Variants in MRPS25 observed in about 807,000 individuals in gnomAD.
MRPS25 encodes small ribosomal subunit protein mS25.
Under a neutral mutation model 17.3 loss-of-function variants are expected in MRPS25, and 15 were observed. The observed-to-expected ratio is 0.87, with a 90% CI of 0.58 to 1.34. MRPS25 has a LOEUF of 1.34. MRPS25 is among the 40% of genes most tolerant of loss of function. The probability of loss-of-function intolerance (pLI) is 0.00; values close to 1 mark genes in which losing one functional copy is unlikely to be tolerated. For synonymous variants in MRPS25, 94 were observed against 83.3 expected, an observed-to-expected ratio of 1.13 and a Z score of -0.70; for missense variants, 225 against 218.6, an observed-to-expected ratio of 1.03 and a Z score of -0.19.
rs2042596063 is a variant in MRPS25, at chr3:15,050,987, C to T, written c.*1454G>A. ...TTTTACAGACAAAACCAGTTACAGA[C>T]CTGGAAAGCTTTTAGGACTTGACCA... On this transcript the variant is annotated 3_prime_UTR_variant, in exon 4 of 4. Transcript: ENST00000253686. 2 of 984,968 alleles carry T rather than the reference C, an allele frequency of 2.0e-6. No individual in the cohort carries two copies. The highest frequency in any genetic ancestry group is 4.7e-5 in the South Asian group (1 of 21,284). The allele number at this position is 984,968 out of a possible 1,614,324, so 61.0% of individuals were successfully genotyped here.
At position 15,050,381 on chromosome 3, in the gene MRPS25, C is replaced by T; in HGVS notation, c.*2060G>A. On this transcript the variant is annotated 3_prime_UTR_variant, in exon 4 of 4. Transcript: ENST00000253686. ...TTTATTCTGTCTAGAGAATGGTCAC[C>T]ACTCCTTTTGGTTCAGGACATTCCT... 2.0e-6 allele frequency: 2 copies of T among 1,021,772 alleles called. No homozygotes were observed. The highest frequency in any genetic ancestry group is 3.5e-5 in the African/African-American group (2 of 57,512). 63.3% of individuals were successfully genotyped at this position (1,021,772 alleles called of 1,614,324 possible). A position where few individuals can be genotyped will look rare whatever the true frequency, so the allele number is the denominator to read the frequency against.
intron 1 of MRPS25, among the ~76,000 whole-genome samples, chr3:15,062,919 ACAC>A (rs1037960393): frequency 1.3e-5 from 2 of 152,110 alleles, no homozygotes; most frequent in African/African-American, 4.8e-5. Context: ...GTACCCAGGG[ACAC>A]AAACACTCTG....
At chr3:15,046,662 C>G (rs563140882), downstream of MRPS25, 1 of 152,346 alleles carries the variant, frequency 6.6e-6, no homozygotes, top group Admixed American at 6.5e-5. Context: ...GTGTAAATGA[C>G]TTTATGTGCA....
chr3:15,051,299 T>A lies in MRPS25; in HGVS notation c.*1142A>T, dbSNP rs2042601962. On this transcript the variant is annotated 3_prime_UTR_variant, in exon 4 of 4. Transcript: ENST00000253686. ...CTCGCAGGCTCGAGATCCTCCCACC[T>A]CAGCTTCCCAAATAGCTGGGACTAC... The A allele has an allele frequency of 1.5e-6, 1 of 654,602 alleles. No individual in the cohort carries two copies. The highest frequency in any genetic ancestry group is 6.8e-5 in the South Asian group (1 of 14,696). The allele number at this position is 654,602 out of a possible 1,614,324, so 40.5% of individuals were successfully genotyped here.
chr3:15,049,720 A>C lies in MRPS25; in HGVS notation c.*2721T>G, dbSNP rs1348361600. 3.4e-5 allele frequency: 20 copies of C among 581,180 alleles called. No homozygotes were observed. The highest frequency in any genetic ancestry group is 3.3e-5 in the Non-Finnish European group (11 of 334,956). The allele number at this position is 581,180 out of a possible 1,614,324, so 36.0% of individuals were successfully genotyped here. A position where few individuals can be genotyped will look rare whatever the true frequency, so the allele number is the denominator to read the frequency against. ...TATGTCATCTGACCTCTCATGTTCCAGGTGAAAATTCTGAGGTCCAAAGTC... is the reference window on the plus strand; with the variant it reads ...TATGTCATCTGACCTCTCATGTTCCCGGTGAAAATTCTGAGGTCCAAAGTC... On this transcript the variant is annotated 3_prime_UTR_variant, in exon 4 of 4. Coordinates refer to ENST00000253686, the MANE Select transcript of MRPS25 (RefSeq NM_022497.5).
Position 15,052,619 on chromosome 3 carries a change from T to C in MRPS25, c.344A>G (p.Glu115Gly). The C allele has an allele frequency of 6.2e-7, 1 of 1,613,828 alleles. No individual in the cohort carries two copies. The highest frequency in any genetic ancestry group is 8.5e-7 in the Non-Finnish European group (1 of 1,179,890). Residue 115 changes from glutamate to glycine, a missense_variant, in exon 4 of 4, where the codon GAA becomes GGA. Physicochemically the swap from Glu to Gly is moderately conservative, Grantham distance 98 (BLOSUM62 -2). Coordinates refer to ENST00000253686, the MANE Select transcript of MRPS25 (RefSeq NM_022497.5). Reference protein sequence around the residue: ...ILGKNEETLREEEEEKKQLSH... With the variant: ...ILGKNEETLRGEEEEKKQLSH... ...AAGCTGCTTTTTCTCCTCCTCCTCT[T>C]CCCTGAGGGTTTCCCTGCCAAAGAG...
chr3:15,056,164 G>A (rs1427982984), intron 2 of MRPS25, among the ~76,000 whole-genome samples: 2 of 151,014 alleles, frequency 1.3e-5, no homozygotes, highest in Admixed American at 6.6e-5. Flanking sequence ...GCAGTGAGCC[G>A]AGATCACGCC....
rs1419046615 is a variant in MRPS25, at chr3:15,048,910, C to T, written c.*3531G>A. The T allele has an allele frequency of 1.3e-5, 2 of 152,604 alleles. No individual in the cohort carries two copies. The highest frequency in any genetic ancestry group is 2.9e-5 in the Non-Finnish European group (2 of 68,030). The allele number at this position is 152,604 out of a possible 1,614,324, so 9.5% of individuals were successfully genotyped here. On this transcript the variant is annotated 3_prime_UTR_variant, in exon 4 of 4. Transcript: ENST00000253686. ...TTTGGGTGTTAGATTTTCTTGGGAC[C>T]GTTTCTGTAACCTTTGCCCTTCACA...
At chr3:15,064,905 A>G (rs1474821214) in intron 1 of MRPS25, among the ~76,000 whole-genome samples, 156 bp downstream of exon 1, 9 of 152,252 alleles carry the variant, frequency 5.9e-5, no homozygotes, top group Non-Finnish European at 2.9e-5. Context: ...CGTCCGCCTC[A>G]GTCTGGACCT....
downstream of MRPS25, chr3:15,042,629 G>C (rs757658770): frequency 7.3e-6 from 4 of 545,136 alleles, no homozygotes; most frequent in African/African-American, 1.9e-5. Context: ...GAACACATCT[G>C]TACATACATT....
At chr3:15,053,749 C>A in intron 2 of MRPS25, 1 of 462,358 alleles carries the variant, frequency 2.2e-6, no homozygotes, top group Admixed American at 3.3e-5. Context: ...GCAATTCTCC[C>A]CAGACTGATC....
At chr3:15,053,738 G>A (rs935456895) in intron 2 of MRPS25, 32 of 473,308 alleles carry the variant, frequency 6.8e-5, no homozygotes, top group African/African-American at 1.8e-4. Flanking sequence ...TTCTTAAGAC[G>A]GCAATTCTCC....
Position 15,050,308 on chromosome 3 carries a change from C to A in MRPS25, c.*2133G>T. The A allele has an allele frequency of 9.2e-7, 1 of 1,085,632 alleles. No individual in the cohort carries two copies. Among genetic ancestry groups the A allele is most frequent in the Non-Finnish European group, 1.1e-6 (1 of 894,448 alleles). The allele number at this position is 1,085,632 out of a possible 1,614,324, so 67.2% of individuals were successfully genotyped here. On this transcript the variant is annotated 3_prime_UTR_variant, in exon 4 of 4. Transcript: ENST00000253686. Reference sequence around the variant, plus strand: ...ACCTCACTGCCCATTGCTCCTGTGTCAAGCCTGAACTCAAACCCTAGTTAT... The same window carrying A: ...ACCTCACTGCCCATTGCTCCTGTGTAAAGCCTGAACTCAAACCCTAGTTAT...
downstream of MRPS25, chr3:15,043,814 T>G (rs1441747071): frequency 6.6e-6 from 1 of 152,232 alleles, no homozygotes; most frequent in African/African-American, 2.4e-5. Context: ...CTTTGATGAC[T>G]GGTTATCTGA....
intron 2 of MRPS25, among the ~76,000 whole-genome samples, chr3:15,055,367 G>A (rs564370709): frequency 5.6e-4 from 86 of 152,228 alleles, no homozygotes; most frequent in African/African-American, 2.0e-3. Flanking sequence ...ATAAGCATAC[G>A]AAATGATGAG....
chr3:15,048,606 T>C lies in MRPS25; in HGVS notation c.*3835A>G, dbSNP rs1328999013. 2 of 152,670 alleles carry C rather than the reference T, an allele frequency of 1.3e-5. No homozygotes were observed. The highest frequency in any genetic ancestry group is 2.9e-5 in the Non-Finnish European group (2 of 68,044). The allele number at this position is 152,670 out of a possible 1,614,324, so 9.5% of individuals were successfully genotyped here. A position where few individuals can be genotyped will look rare whatever the true frequency, so the allele number is the denominator to read the frequency against. ...AAGTAGTAGACTTTGCATTAAAAAA[T>C]GGCTTTTCTTTAGGAAAGTATAATC... On this transcript the variant is annotated 3_prime_UTR_variant, in exon 4 of 4. Transcript: ENST00000253686.
downstream of MRPS25, chr3:15,044,795 A>G (rs897194195): frequency 6.6e-6 from 1 of 152,274 alleles, no homozygotes; most frequent in East Asian, 1.9e-4. Context: ...GACAGAATGG[A>G]AGCTGCTGCA....
chr3:15,064,924 T>G, intron 1 of MRPS25, 137 bp downstream of exon 1: 3 of 1,098,618 alleles, frequency 2.7e-6, no homozygotes, highest in Non-Finnish European at 3.8e-6. Context: ...CTCTGTAAAA[T>G]GGGGGTAACA....
chr3:15,044,676 G>A (rs2042389252), downstream of MRPS25: 2 of 152,340 alleles, frequency 1.3e-5, no homozygotes, highest in African/African-American at 4.8e-5. Flanking sequence ...AAAGATCCCT[G>A]GACACTCCCC....
Sources: gnomAD v4.1 joint callset for allele counts (sites outside exome capture counted in the v4.1 genomes callset) on GRCh38, gnomAD v4.1.1 for gene constraint, MANE v1.5 for transcripts, NCBI Gene and HGNC (gene_info 2026-07-23, HGNC 2026-07-21) for gene names.